The following SLC25A13 variants were observed in gnomAD, a reference collection of about 807,000 sequenced individuals.
The protein encoded by SLC25A13 is solute carrier family 25 member 13, also known as electrogenic aspartate/glutamate antiporter SLC25A13, mitochondrial.
A neutral mutation model predicts 85.5 loss-of-function variants in SLC25A13; 70 were observed. The ratio of observed to expected loss-of-function variants is 0.82; its 90% CI spans 0.68 to 1.00. The LOEUF is 1.00. Ranked by LOEUF, SLC25A13 falls within the 50% of genes least tolerant of loss-of-function variation. The pLI, the probability that SLC25A13 is intolerant of heterozygous loss-of-function variation, is 0.00. For missense variants in SLC25A13, 765 were observed against 819.8 expected, an observed-to-expected ratio of 0.93 and a Z score of 0.82; for synonymous variants, 259 against 288.7, an observed-to-expected ratio of 0.90 and a Z score of 1.04.
intron 9 of SLC25A13, among the ~76,000 whole-genome samples, chr7:96,185,227 T>G (rs1331318870): frequency 1.3e-5 from 2 of 152,198 alleles, no homozygotes; most frequent in Non-Finnish European, 2.9e-5. Flanking sequence ...AATTTCAATA[T>G]AATCAAAACC....
chr7:96,121,023 G>T lies in SLC25A13; in HGVS notation c.*168C>A. On this transcript the variant is annotated 3_prime_UTR_variant, in exon 18 of 18. Coordinates refer to ENST00000265631, the MANE Select transcript of SLC25A13 (RefSeq NM_014251.3). ...TTATGAATAATTTCACAATGATCTG[G>T]TTAAGAAAACACCCAGAAAATGAAT... The T allele has an allele frequency of 1.2e-6, 1 of 800,766 alleles. No homozygotes were observed. Among genetic ancestry groups the T allele is most frequent in the Non-Finnish European group, 2.1e-6 (1 of 475,874 alleles). The allele number at this position is 800,766 out of a possible 1,614,324, so 49.6% of individuals were successfully genotyped here. A position where few individuals can be genotyped will look rare whatever the true frequency, so the allele number is the denominator to read the frequency against.
At chr7:96,205,991 C>T (rs996110989) in intron 5 of SLC25A13, among the ~76,000 whole-genome samples, 3 of 151,292 alleles carry the variant, frequency 2.0e-5, no homozygotes, top group African/African-American at 7.3e-5. Context: ...CCCCACCAAT[C>T]ACACACATGT....
At chr7:96,262,313 C>G (rs1345750479) in intron 3 of SLC25A13, among the ~76,000 whole-genome samples, 3 of 152,100 alleles carry the variant, frequency 2.0e-5, no homozygotes, top group South Asian at 2.1e-4. Flanking sequence ...TAACACCAAA[C>G]AAAGAAAGAG....
intron 3 of SLC25A13, among the ~76,000 whole-genome samples, chr7:96,241,570 T>C (rs1724334940): frequency 6.6e-6 from 1 of 152,176 alleles, no homozygotes; most frequent in Admixed American, 6.5e-5. Context: ...ATATTTTGCA[T>C]ACACACAAAG....
chr7:96,178,031 A>G (rs916525260), intron 11 of SLC25A13, among the ~76,000 whole-genome samples: 1 of 152,104 alleles, frequency 6.6e-6, no homozygotes, highest in Non-Finnish European at 1.5e-5. Context: ...TGACCCTTGT[A>G]CACAACAAAG....
intron 4 of SLC25A13, among the ~76,000 whole-genome samples, chr7:96,228,902 C>A (rs530913478): frequency 1.4e-4 from 22 of 152,290 alleles, no homozygotes; most frequent in African/African-American, 4.8e-4. Context: ...CTGGCCCACC[C>A]ACGCTGCACT....
At chr7:96,140,377 T>C (rs1050430658) in intron 14 of SLC25A13, among the ~76,000 whole-genome samples, 1 of 151,484 alleles carries the variant, frequency 6.6e-6, no homozygotes, top group Admixed American at 6.6e-5. Context: ...CCACTTTACA[T>C]TTCTACCACC....
chr7:96,261,613 T>C (rs1267070409), intron 3 of SLC25A13, among the ~76,000 whole-genome samples: 1 of 152,172 alleles, frequency 6.6e-6, no homozygotes, highest in Non-Finnish European at 1.5e-5. Flanking sequence ...TCTCTGAATC[T>C]CACTGTATTT....
At chr7:96,127,309 T>G (rs1562778925) in intron 15 of SLC25A13, among the ~76,000 whole-genome samples, 1 of 152,240 alleles carries the variant, frequency 6.6e-6, no homozygotes. Context: ...CTTCACTTTC[T>G]GACAAAGCTG....
chr7:96,318,020 C>T (rs1209671369), intron 1 of SLC25A13, among the ~76,000 whole-genome samples: 2 of 152,054 alleles, frequency 1.3e-5, no homozygotes, highest in Non-Finnish European at 2.9e-5. Context: ...CTGGAAAGAA[C>T]ACAATACACA....
At chr7:96,306,889 T>C (rs1037563248) in intron 1 of SLC25A13, 5 of 1,129,244 alleles carry the variant, frequency 4.4e-6, no homozygotes, top group Non-Finnish European at 6.7e-6. Context: ...GTGGCTTCAC[T>C]CCAATCTCTC....
intron 3 of SLC25A13, among the ~76,000 whole-genome samples, chr7:96,248,680 AG>A (rs1253476150): frequency 6.6e-6 from 1 of 152,220 alleles, no homozygotes; most frequent in Non-Finnish European, 1.5e-5. Context: ...AGTAGTTAGC[AG>A]GAAAAAAATT....
At position 96,170,044 on chromosome 7, in the gene SLC25A13, C is replaced by G. The variant is rs80338723; in HGVS notation, c.1311+1G>C. ...TGAAGAGAGCTTCAAAAGGTACTTACGCAGCCTCCAGCAAGAATTTCTGCT... is the reference window on the plus strand; with the variant it reads ...TGAAGAGAGCTTCAAAAGGTACTTAGGCAGCCTCCAGCAAGAATTTCTGCT... On this transcript the variant is annotated splice_donor_variant, in intron 13 of 17. Coordinates refer to ENST00000265631, the MANE Select transcript of SLC25A13 (RefSeq NM_014251.3). LOFTEE classifies it high-confidence loss of function. 1.2e-6 allele frequency: 2 copies of G among 1,613,962 alleles called. No homozygotes were observed. The highest frequency in any genetic ancestry group is 1.1e-5 in the South Asian group (1 of 91,086).
chr7:96,263,628 A>T (rs528183363), intron 3 of SLC25A13, among the ~76,000 whole-genome samples: 1 of 151,996 alleles, frequency 6.6e-6, no homozygotes, highest in South Asian at 2.1e-4. Context: ...ATAACCCTGG[A>T]TTCCCCTCTC....
rs530082901 is a variant in SLC25A13 at position 96,160,265 on chromosome 7, G to C, written c.1311+9780C>G. On this transcript the variant is annotated intron_variant, in intron 13 of 17. Transcript: ENST00000265631. The stretch of plus-strand genomic sequence containing the variant: ...CTGAGACTTTCCCAGAGAAGGTAAA[G>C]GGAGAAAAACAGAAAGGAAGTATCT... Among the ~76,000 whole-genome samples the C allele has an allele frequency of 1.1e-3, 171 of 152,302 alleles. 1 individual carries two copies. Among genetic ancestry groups the C allele is most frequent in the African/African-American group, 3.9e-3 (164 of 41,554 alleles).
chr7:96,145,376 T>C (rs1326946601), intron 14 of SLC25A13, among the ~76,000 whole-genome samples: 2 of 152,174 alleles, frequency 1.3e-5, no homozygotes, highest in South Asian at 2.1e-4. Flanking sequence ...TAATTCTGGA[T>C]GTTTACTGAG....
chr7:96,291,346 C>A (rs1398140453), intron 2 of SLC25A13, among the ~76,000 whole-genome samples: 1 of 152,128 alleles, frequency 6.6e-6, no homozygotes, highest in African/African-American at 2.4e-5. Flanking sequence ...AAAATTGACA[C>A]CCTAACATCA....
intron 5 of SLC25A13, among the ~76,000 whole-genome samples, chr7:96,196,576 A>G (rs1391009436): frequency 6.6e-6 from 1 of 152,222 alleles, no homozygotes. Flanking sequence ...CCACGCTTCC[A>G]TGATTAAACA....
intron 15 of SLC25A13, among the ~76,000 whole-genome samples, chr7:96,128,939 G>GCTCT (rs58984088): frequency 0.042 from 3,413 of 81,778 alleles, 205 homozygotes; most frequent in East Asian, 0.074. Context: ...TGCCTTGCTT[G>GCTCT]CTCTCTCTCT....
Sources: allele counts gnomAD v4.1 joint callset (sites outside exome capture counted in the v4.1 genomes callset), GRCh38; gene constraint gnomAD v4.1.1; transcripts MANE v1.5; gene names NCBI Gene and HGNC (gene_info 2026-07-23, HGNC 2026-07-21).